ATG16L2: variants seen among roughly 807,000 people sequenced by gnomAD.
ATG16L2 encodes autophagy related 16 like 2.
Under a neutral mutation model 84.7 loss-of-function variants are expected in ATG16L2, and 77 were observed. That is an observed-to-expected ratio of 0.91 (90% CI 0.76 to 1.10). The LOEUF (loss-of-function observed/expected upper bound fraction) is 1.10, where lower values mean the gene tolerates loss of function less well. ATG16L2 is among the 50% of genes least tolerant of loss of function. ATG16L2 has a pLI of 0.00. For synonymous variants in ATG16L2, 361 were observed against 342.8 expected, an observed-to-expected ratio of 1.05 and a Z score of -0.59; for missense variants, 782 against 817.6, an observed-to-expected ratio of 0.96 and a Z score of 0.53.
chr11:72,828,581 C>T, intron 15 of ATG16L2, 73 bp downstream of exon 15: 1 of 1,600,082 alleles, frequency 6.2e-7, no homozygotes, highest in Non-Finnish European at 8.5e-7. Flanking sequence ...TGTAATAGAC[C>T]CTCTTGGAGC....
rs1373122487 is a variant in ATG16L2 at position 72,829,457 on chromosome 11, A to G, written c.*67A>G. On this transcript the variant is annotated 3_prime_UTR_variant, in exon 18 of 18. Coordinates refer to ENST00000321297, the MANE Select transcript of ATG16L2 (RefSeq NM_033388.2). ...CCTGAAGCTTCCTTCGGCGCCATGC[A>G]GGGGTTGGGGTTGGGACTGGAGCTG... 1 of 1,568,440 alleles carries G rather than the reference A, an allele frequency of 6.4e-7. No homozygotes were observed. Among genetic ancestry groups the G allele is most frequent in the Non-Finnish European group, 8.7e-7 (1 of 1,155,774 alleles).
At chr11:72,828,574 AAT>A in intron 15 of ATG16L2, 66 bp downstream of exon 15, 1 of 1,606,768 alleles carries the variant, frequency 6.2e-7, no homozygotes, top group Non-Finnish European at 8.5e-7. Context: ...CTTCTCCTGT[AAT>A]AGACCCTCTT....
chr11:72,818,859 C>G (rs1298451570), intron 3 of ATG16L2: 1 of 152,366 alleles, frequency 6.6e-6, no homozygotes, highest in East Asian at 1.9e-4. Context: ...AATACACATC[C>G]AGTCACAGAA....
exon 6 of ATG16L2, chr11:72,843,654 A>T (rs1175665516): frequency 4.4e-6 from 3 of 683,132 alleles, no homozygotes; most frequent in Non-Finnish European, 7.6e-6. Flanking sequence ...TGTTGAACAT[A>T]AAAATTTAAA....
chr11:72,826,238 C>A lies in ATG16L2; in HGVS notation c.1168C>A (p.Pro390Thr). 6.2e-7 allele frequency: 1 copy of A among 1,613,844 alleles called. No individual in the cohort carries two copies. Among genetic ancestry groups the A allele is most frequent in the Admixed American group, 1.7e-5 (1 of 59,992 alleles). ...GGSITSVDFDPSGYQVLAATY... is the reference protein window; with the variant it reads ...GGSITSVDFDTSGYQVLAATY... ...CAGCATCACCAGTGTGGACTTTGAC[C>A]CCTCGGTGAGGAACTCTGCCCCAGT... Residue 390 changes from proline (P) to threonine (T), a missense_variant, in exon 11 of 18, where the codon CCC (proline) becomes ACC (threonine). By Grantham distance (38) the Pro-to-Thr change is conservative. Transcript: ENST00000321297.
chr11:72,839,078 T>G (rs1860823311), intron 5 of ATG16L2, among the ~76,000 whole-genome samples: 1 of 152,168 alleles, frequency 6.6e-6, no homozygotes. Context: ...AGCCCACAAA[T>G]CAGCTTCTTG....
chr11:72,840,818 C>T (rs1020531209), intron 5 of ATG16L2: 3 of 1,258,002 alleles, frequency 2.4e-6, no homozygotes, highest in African/African-American at 1.5e-5. Flanking sequence ...AACATTAATT[C>T]CTTACTTTCA....
chr11:72,843,324 C>G, exon 6 of ATG16L2: 1 of 1,613,254 alleles, frequency 6.2e-7, no homozygotes, highest in Non-Finnish European at 8.5e-7. Flanking sequence ...AACTTTATTT[C>G]GAGCCTGGGT....
At chr11:72,816,936 G>A (rs1320772200) in intron 2 of ATG16L2, 109 bp downstream of exon 2, 10 of 798,636 alleles carry the variant, frequency 1.3e-5, no homozygotes, top group Non-Finnish European at 1.8e-5. Flanking sequence ...GCCCTTGGCT[G>A]CTGCCCAGGG....
intron 3 of ATG16L2, among the ~76,000 whole-genome samples, chr11:72,820,768 CT>C (rs2135088516): frequency 6.6e-6 from 1 of 152,238 alleles, no homozygotes; most frequent in African/African-American, 2.4e-5. Flanking sequence ...GCCTCTGGCC[CT>C]CATGTTCTCT....
At chr11:72,841,647 TCTGA>T in intron 5 of ATG16L2, 1 of 1,471,076 alleles carries the variant, frequency 6.8e-7, no homozygotes, top group Non-Finnish European at 9.1e-7. Context: ...TGGCTGCTTC[TCTGA>T]CTGCTCTGTA....
At chr11:72,839,825 G>A (rs1340461400) in intron 5 of ATG16L2, among the ~76,000 whole-genome samples, 3 of 152,164 alleles carry the variant, frequency 2.0e-5, no homozygotes, top group African/African-American at 7.2e-5. Flanking sequence ...CATATAAATG[G>A]TTATCATAGC....
rs756350126 is a variant in ATG16L2, at chr11:72,827,212, C to A, written c.1391C>A (p.Ser464Tyr). The change falls in exon 14 of 18, where the codon TCC becomes TAC. Residue 464 changes from serine (S) to tyrosine (Y), a missense_variant. By Grantham distance (144) the Ser-to-Tyr change is moderately radical. Transcript: ENST00000321297. ...GGCTCCAGGACCATCAATGTCCTTT[C>A]CTACTGTAATGACGTGGTGTGTGGG... is the stretch of plus-strand genomic sequence containing the variant. ...AYCSRTINVLSYCNDVVCGDH... is the reference protein window; with the variant it reads ...AYCSRTINVLYYCNDVVCGDH... The A allele has an allele frequency of 1.2e-6, 2 of 1,614,092 alleles. No homozygotes were observed. Among genetic ancestry groups the A allele is most frequent in the South Asian group, 2.2e-5 (2 of 91,070 alleles).
At chr11:72,815,321 T>G (rs1453511264) in intron 1 of ATG16L2, among the ~76,000 whole-genome samples, 3 of 152,212 alleles carry the variant, frequency 2.0e-5, no homozygotes, top group Non-Finnish European at 4.4e-5. Flanking sequence ...GGGGCTAATC[T>G]TGGCCAAACC....
In ATG16L2 at chr11:72,821,684, TGGA is replaced by T; in HGVS notation, c.337_339del (p.Glu113del). On this transcript the variant is annotated inframe_deletion, in exon 4 of 18. Transcript: ENST00000321297. ...CGCCCCCAGATGGCCTACCAGGTGGTGGAGAAGGGCGCGGCCCTGGGCACGCTG... is the reference window on the plus strand; with the variant it reads ...CGCCCCCAGATGGCCTACCAGGTGGTGAAGGGCGCGGCCCTGGGCACGCTG... The T allele has an allele frequency of 6.5e-7, 1 of 1,535,490 alleles. No individual in the cohort carries two copies. The highest frequency in any genetic ancestry group is 8.7e-7 in the Non-Finnish European group (1 of 1,145,472).
exon 6 of ATG16L2, chr11:72,842,628 T>C: frequency 6.2e-7 from 1 of 1,614,034 alleles, no homozygotes; most frequent in Non-Finnish European, 8.5e-7. Flanking sequence ...TACCTGAATC[T>C]CTCTCATCCA....
chr11:72,842,487 G>A, intron 5 of ATG16L2: 2 of 1,021,592 alleles, frequency 2.0e-6, no homozygotes, highest in Non-Finnish European at 2.8e-6. Flanking sequence ...AAATGCAGTT[G>A]TGCAGACACT....
downstream of ATG16L2, among the ~76,000 whole-genome samples, chr11:72,831,735 T>G (rs1275249080): frequency 6.6e-6 from 1 of 152,078 alleles, no homozygotes; most frequent in Non-Finnish European, 1.5e-5. Context: ...ACTGAGCCCT[T>G]AGGAGGTGCC....
Position 72,829,528 on chromosome 11 carries a change from T to C in ATG16L2, c.*138T>C. Reference sequence around the variant, plus strand: ...AGAAGGCCTGGCAGGACCTGGCCTGTTTGTTTAAAAATGAAGTATGGGTTG... The same window carrying C: ...AGAAGGCCTGGCAGGACCTGGCCTGCTTGTTTAAAAATGAAGTATGGGTTG... On this transcript the variant is annotated 3_prime_UTR_variant, in exon 18 of 18. Coordinates refer to ENST00000321297, the MANE Select transcript of ATG16L2 (RefSeq NM_033388.2). 2 of 1,414,954 alleles carry C rather than the reference T, an allele frequency of 1.4e-6. No individual in the cohort carries two copies. The highest frequency in any genetic ancestry group is 1.8e-6 in the Non-Finnish European group (2 of 1,084,790). The allele number at this position is 1,414,954 out of a possible 1,614,324, so 87.6% of individuals were successfully genotyped here.
Sources: allele counts gnomAD v4.1 joint callset (sites outside exome capture counted in the v4.1 genomes callset), GRCh38; gene constraint gnomAD v4.1.1; transcripts MANE v1.5; gene names NCBI Gene and HGNC (gene_info 2026-07-23, HGNC 2026-07-21).